Variants in ARB2A observed in about 807,000 individuals in gnomAD.
The protein encoded by ARB2A is ARB2 cotranscriptional regulator A.
At chr5:93,927,340 G>A in the ARB2A span, among the ~76,000 whole-genome samples, 1 of 152,166 alleles carries the variant, frequency 6.6e-6, no homozygotes, top group Admixed American at 6.5e-5. Context: ...CCCTCAGCTA[G>A]TCTCCATGTG....
chr5:94,067,148 A>T, the ARB2A span, among the ~76,000 whole-genome samples: 3 of 152,186 alleles, frequency 2.0e-5, no homozygotes, highest in Non-Finnish European at 4.4e-5. Flanking sequence ...AACCTCCCTG[A>T]TAAAAACACT....
At chr5:93,926,333 A>T in the ARB2A span, among the ~76,000 whole-genome samples, 1 of 151,894 alleles carries the variant, frequency 6.6e-6, no homozygotes, top group Non-Finnish European at 1.5e-5. Flanking sequence ...GGGTTTCTCC[A>T]TGTTGGTCAG....
At chr5:93,781,002 G>C in the ARB2A span, among the ~76,000 whole-genome samples, 2 of 152,164 alleles carry the variant, frequency 1.3e-5, no homozygotes, top group African/African-American at 4.8e-5. Flanking sequence ...CATAACATCA[G>C]TAACTTTATC....
the ARB2A span, among the ~76,000 whole-genome samples, chr5:93,685,246 T>C: frequency 6.6e-5 from 10 of 152,232 alleles, no homozygotes; most frequent in Non-Finnish European, 5.9e-5. Context: ...AGCCTGGTTA[T>C]ATTTAAGGCT....
At chr5:93,808,721 T>G in the ARB2A span, among the ~76,000 whole-genome samples, 1 of 151,996 alleles carries the variant, frequency 6.6e-6, no homozygotes, top group African/African-American at 2.4e-5. Context: ...GCAAGTCAGG[T>G]AATTTATAAG....
the ARB2A span, among the ~76,000 whole-genome samples, chr5:93,679,640 A>G: frequency 6.6e-6 from 1 of 152,188 alleles, no homozygotes; most frequent in African/African-American, 2.4e-5. Flanking sequence ...GTTAGTCCAC[A>G]GCAAGATAAA....
chr5:94,094,775 T>C, the ARB2A span, among the ~76,000 whole-genome samples: 2 of 152,162 alleles, frequency 1.3e-5, no homozygotes, highest in African/African-American at 2.4e-5. Flanking sequence ...TCTCACACCA[T>C]TGTAAGTTCA....
At chr5:93,874,842 C>T in the ARB2A span, among the ~76,000 whole-genome samples, 4 of 152,218 alleles carry the variant, frequency 2.6e-5, no homozygotes, top group Admixed American at 1.3e-4. Flanking sequence ...GAAAACACCC[C>T]AGAAAGATAC....
At chr5:94,087,003 T>C in the ARB2A span, among the ~76,000 whole-genome samples, 1 of 152,216 alleles carries the variant, frequency 6.6e-6, no homozygotes. Context: ...AGCAGCTCCA[T>C]ATGCGTTGCT....
chr5:93,891,827 G>C, the ARB2A span, among the ~76,000 whole-genome samples: 1 of 152,128 alleles, frequency 6.6e-6, no homozygotes, highest in Admixed American at 6.6e-5. Context: ...GGCTGAAGAA[G>C]TGAAATTATA....
the ARB2A span, among the ~76,000 whole-genome samples, chr5:93,903,424 A>C: frequency 6.6e-6 from 1 of 152,112 alleles, no homozygotes; most frequent in African/African-American, 2.4e-5. Flanking sequence ...TTAACAGTTT[A>C]TAAGAGCTAA....
chr5:93,843,845 A>G, the ARB2A span, among the ~76,000 whole-genome samples: 1 of 152,106 alleles, frequency 6.6e-6, no homozygotes, highest in Non-Finnish European at 1.5e-5. Flanking sequence ...TCCAAAAAGC[A>G]AAGTTGTATA....
chr5:94,012,611 AC>A, the ARB2A span, among the ~76,000 whole-genome samples: 3 of 152,200 alleles, frequency 2.0e-5, no homozygotes, highest in African/African-American at 7.2e-5. Flanking sequence ...ACCTCAGTCA[AC>A]TGCCAGGTAC....
At chr5:94,028,491 A>G in the ARB2A span, among the ~76,000 whole-genome samples, 15 of 152,328 alleles carry the variant, frequency 9.8e-5, no homozygotes, top group Admixed American at 5.2e-4. Flanking sequence ...TCCAAAGTCT[A>G]GTATTGAAAG....
At chr5:93,979,865 C>A in the ARB2A span, among the ~76,000 whole-genome samples, 2 of 151,968 alleles carry the variant, frequency 1.3e-5, no homozygotes, top group Non-Finnish European at 2.9e-5. Flanking sequence ...TAGTGACATC[C>A]TTAGAGTTTT....
chr5:93,970,286 T>G, the ARB2A span, among the ~76,000 whole-genome samples: 30 of 152,198 alleles, frequency 2.0e-4, no homozygotes, highest in East Asian at 4.4e-3. Flanking sequence ...GAATCCTGAC[T>G]TTAAACGTAA....
At chr5:93,630,689 A>G in the ARB2A span, among the ~76,000 whole-genome samples, 1 of 151,968 alleles carries the variant, frequency 6.6e-6, no homozygotes, top group Non-Finnish European at 1.5e-5. Context: ...TTATCTCAGC[A>G]CTTTGAGAGG....
the ARB2A span, among the ~76,000 whole-genome samples, chr5:93,623,616 G>C: frequency 1.3e-5 from 2 of 151,988 alleles, no homozygotes; most frequent in African/African-American, 2.4e-5. Flanking sequence ...ATTAGTCCTG[G>C]ACTGAAAAGA....
At chr5:93,812,066 T>C in the ARB2A span, among the ~76,000 whole-genome samples, 1 of 152,160 alleles carries the variant, frequency 6.6e-6, no homozygotes, top group Non-Finnish European at 1.5e-5. Flanking sequence ...GAATCTACTG[T>C]GAGATCTTAG....
Sources: allele counts gnomAD v4.1 joint callset (sites outside exome capture counted in the v4.1 genomes callset), GRCh38; gene constraint gnomAD v4.1.1; transcripts MANE v1.5; gene names NCBI Gene and HGNC (gene_info 2026-07-23, HGNC 2026-07-21).